Variants in DHRS3 observed in about 807,000 individuals in gnomAD.
The protein encoded by DHRS3 is dehydrogenase/reductase 3, also known as short-chain dehydrogenase/reductase 3.
DHRS3 carries 14 observed loss-of-function variants against 27.2 expected under a neutral mutation model. The ratio of observed to expected loss-of-function variants is 0.52; its 90% CI spans 0.34 to 0.81. The LOEUF (loss-of-function observed/expected upper bound fraction) is 0.81. Among genes scored for constraint, DHRS3 ranks in the 30% least tolerant of loss-of-function variants. The probability of loss-of-function intolerance (pLI) is 0.01; values close to 1 mark genes in which losing one functional copy is unlikely to be tolerated. For missense variants in DHRS3, 322 were observed against 406.2 expected (o/e 0.79, Z 1.78); for synonymous variants, 165 against 175.9 (o/e 0.94, Z 0.49).
chr1:12,599,545 T>C (rs1646821595), intron 1 of DHRS3, among the ~76,000 whole-genome samples: 1 of 152,194 alleles, frequency 6.6e-6, no homozygotes, highest in Non-Finnish European at 1.5e-5. Context: ...TGTCCAGACT[T>C]CACCCCACAA....
In DHRS3 at chr1:12,598,108, C is replaced by T. The variant is rs6690561; in HGVS notation, c.196-17442G>A. Among the ~76,000 whole-genome samples, 678 of 152,318 alleles carry T rather than the reference C, an allele frequency of 4.5e-3. 5 individuals carry two copies. Among genetic ancestry groups the T allele is most frequent in the African/African-American group, 0.015 (642 of 41,560 alleles). On this transcript the variant is annotated intron_variant, in intron 1 of 5. Coordinates refer to ENST00000616661, the MANE Select transcript of DHRS3 (RefSeq NM_004753.7). ...GACACCTGCCAAACTAAAAGTTGCC[C>T]GCACATCCAGTCTCTACATGTGCAG... is the stretch of plus-strand genomic sequence containing the variant.
intron 1 of DHRS3, among the ~76,000 whole-genome samples, chr1:12,610,246 T>A (rs1233341542): frequency 1.0e-5 from 1 of 100,402 alleles, no homozygotes; most frequent in Non-Finnish European, 2.4e-5. Context: ...GCCCAGCAAT[T>A]TTTTTTTTTT....
intron 4 of DHRS3, 106 bp from the exon 5 acceptor site, chr1:12,572,959 C>T (rs901288983): frequency 7.2e-7 from 1 of 1,398,498 alleles, no homozygotes; most frequent in Admixed American, 2.9e-5. Context: ...CTTTTCCTGT[C>T]TGAGAGATTC....
At position 12,616,817 on chromosome 1, in the gene DHRS3, AG is replaced by A. The variant is rs1488549906; in HGVS notation, c.195+336del. 8.3e-6 allele frequency: 4 copies of A among 482,158 alleles called. No individual in the cohort carries two copies. In the South Asian group the frequency reaches 8.6e-5, roughly 10 times the overall value. 29.9% of individuals were successfully genotyped at this position (482,158 alleles called of 1,614,324 possible). On this transcript the variant is annotated intron_variant, in intron 1 of 5. Transcript: ENST00000616661. Reference sequence around the variant, plus strand: ...ACTCACCAGGGTGGCGGCAAGAAAAAGGGGGGAAGGCGGGGGAGGGGGGCAC... The same window carrying A: ...ACTCACCAGGGTGGCGGCAAGAAAAAGGGGGAAGGCGGGGGAGGGGGGCAC...
At chr1:12,572,461 C>T (rs561302156) in intron 5 of DHRS3, among the ~76,000 whole-genome samples, 27 of 152,312 alleles carry the variant, frequency 1.8e-4, no homozygotes, top group African/African-American at 4.6e-4. Flanking sequence ...TGAGCCACTG[C>T]GCCTGGCCCT....
chr1:12,616,987 G>A (rs1266274028), intron 1 of DHRS3, among the ~76,000 whole-genome samples, 167 bp downstream of exon 1: 1 of 152,220 alleles, frequency 6.6e-6, no homozygotes, highest in South Asian at 2.1e-4. Context: ...TCCGGTGCCC[G>A]GGAAATTTAC....
At chr1:12,590,499 G>A (rs1451876235) in intron 1 of DHRS3, among the ~76,000 whole-genome samples, 1 of 151,846 alleles carries the variant, frequency 6.6e-6, no homozygotes, top group African/African-American at 2.4e-5. Flanking sequence ...TAGTAGAGAC[G>A]GGGTTTCTCC....
In DHRS3 at chr1:12,608,003, G is replaced by C. The variant is rs1364202562; in HGVS notation, c.195+9151C>G. On this transcript the variant is annotated intron_variant, in intron 1 of 5. Coordinates refer to ENST00000616661, the MANE Select transcript of DHRS3 (RefSeq NM_004753.7). The surrounding 1 kb of genome is among the most constrained non-coding windows in gnomAD (Gnocchi z 4.1). ...AGTGATTCTCCTGCCTCAGTCTCCC[G>C]AGTAGCTGGGATCCCAGGCATGCAC... is the stretch of plus-strand genomic sequence containing the variant. Among the ~76,000 whole-genome samples, 1 of 151,928 alleles carries C rather than the reference G, an allele frequency of 6.6e-6. No homozygotes were observed. The highest frequency in any genetic ancestry group is 1.9e-4 in the East Asian group (1 of 5,170).
intron 1 of DHRS3, among the ~76,000 whole-genome samples, chr1:12,600,617 G>A (rs566480060): frequency 6.6e-6 from 1 of 152,286 alleles, no homozygotes; most frequent in East Asian, 1.9e-4. Context: ...TGTGAGAGGG[G>A]CCACTGCTTG....
rs996337469 is a variant in DHRS3, at chr1:12,594,325, C to G, written c.196-13659G>C. Among the ~76,000 whole-genome samples the G allele has an allele frequency of 1.3e-5, 2 of 152,248 alleles. No homozygotes were observed. Among genetic ancestry groups the G allele is most frequent in the Non-Finnish European group, 2.9e-5 (2 of 68,044 alleles). On this transcript the variant is annotated intron_variant, in intron 1 of 5. Transcript: ENST00000616661. This position sits in a 1 kb window ranked among gnomAD's most constrained non-coding sequence, Gnocchi z 4.1. The stretch of plus-strand genomic sequence containing the variant: ...TTTGTGGAATTGTGTGCACCAGGCA[C>G]TTTGGAGGCCCTGGGATCCAGCGGG...
chr1:12,606,155 A>G (rs975763180), intron 1 of DHRS3, among the ~76,000 whole-genome samples: 1 of 143,904 alleles, frequency 6.9e-6, no homozygotes, highest in Non-Finnish European at 1.5e-5. Flanking sequence ...AAAAAAAAAA[A>G]TAGAAATCAG....
At chr1:12,585,642 C>A (rs1038334734) in intron 1 of DHRS3, among the ~76,000 whole-genome samples, 5 of 152,212 alleles carry the variant, frequency 3.3e-5, no homozygotes. Context: ...CCCCCTCCAG[C>A]CTCCTACCCT....
chr1:12,596,730 T>G (rs1486603214), intron 1 of DHRS3, among the ~76,000 whole-genome samples: 1 of 152,124 alleles, frequency 6.6e-6, no homozygotes, highest in African/African-American at 2.4e-5. Context: ...CATCTCCATC[T>G]GGGGAAGTGG....
At chr1:12,572,621 G>A in intron 5 of DHRS3, 107 bp downstream of exon 5, 1 of 1,508,024 alleles carries the variant, frequency 6.6e-7, no homozygotes, top group South Asian at 1.2e-5. Flanking sequence ...CAGTACATCA[G>A]CAGCAAATGT....
chr1:12,608,418 C>A lies in DHRS3; in HGVS notation c.195+8736G>T, dbSNP rs543394632. Among the ~76,000 whole-genome samples, 2 of 152,184 alleles carry A rather than the reference C, an allele frequency of 1.3e-5. No individual in the cohort carries two copies. The highest frequency in any genetic ancestry group is 2.9e-5 in the Non-Finnish European group (2 of 68,052). On this transcript the variant is annotated intron_variant, in intron 1 of 5. Coordinates refer to ENST00000616661, the MANE Select transcript of DHRS3 (RefSeq NM_004753.7). This position sits in a 1 kb window ranked among gnomAD's most constrained non-coding sequence, Gnocchi z 4.1. The stretch of plus-strand genomic sequence containing the variant: ...CCACCCTGCACCCTCTTGCCTCCTC[C>A]CTGCTCCCCAGCACCCTGGAAAGCC...
At chr1:12,570,683 GGAA>G (rs1223974849) in intron 5 of DHRS3, among the ~76,000 whole-genome samples, 1 of 152,180 alleles carries the variant, frequency 6.6e-6, no homozygotes, top group Non-Finnish European at 1.5e-5. Flanking sequence ...AGAAAGCTCT[GGAA>G]GTCTTCTAAG....
chr1:12,614,659 A>G (rs1366108630), intron 1 of DHRS3, among the ~76,000 whole-genome samples: 1 of 150,766 alleles, frequency 6.6e-6, no homozygotes, highest in Non-Finnish European at 1.5e-5. Context: ...AAATAAACAG[A>G]TAACTCCTGG....
intron 5 of DHRS3, among the ~76,000 whole-genome samples, chr1:12,569,359 C>CTGAAACA (rs892282833): frequency 5.9e-5 from 9 of 151,350 alleles, no homozygotes; most frequent in Non-Finnish European, 1.2e-4. Flanking sequence ...TTCCTAGATC[C>CTGAAACA]TGAAACAGAG....
Position 12,578,739 on chromosome 1 carries a change from A to G in DHRS3, c.677T>C (p.Met226Thr), listed in dbSNP as rs1368442826. The change falls in exon 4 of 6, where the codon ATG (methionine) becomes ACG (threonine). Residue 226 changes from methionine (M) to threonine (T), a missense_variant. Physicochemically the swap from Met to Thr is moderately conservative, Grantham distance 81. Transcript: ENST00000616661. This position sits in a 1 kb window ranked among gnomAD's most constrained non-coding sequence, Gnocchi z 4.5. ...TGACCTGACTCTCATGCCCTGGAACATCTCGGTGCTGGTGTGGAAGGGCAG... is the reference window on the plus strand; with the variant it reads ...TGACCTGACTCTCATGCCCTGGAACGTCTCGGTGCTGGTGTGGAAGGGCAG... ...TVLPFHTSTEMFQGMRVRFPN... is the reference protein window; with the variant it reads ...TVLPFHTSTETFQGMRVRFPN... 6.2e-7 allele frequency: 1 copy of G among 1,613,166 alleles called. No individual in the cohort carries two copies. The highest frequency in any genetic ancestry group is 8.5e-7 in the Non-Finnish European group (1 of 1,179,598).
Sources: allele counts gnomAD v4.1 joint callset (sites outside exome capture counted in the v4.1 genomes callset), GRCh38; gene constraint gnomAD v4.1.1; non-coding constraint Gnocchi (gnomAD v3.1); transcripts MANE v1.5; gene names NCBI Gene and HGNC (gene_info 2026-07-23, HGNC 2026-07-21).